Variants in MTF2 observed in about 807,000 individuals in gnomAD.
MTF2 encodes metal-response element-binding transcription factor 2.
A neutral mutation model predicts 79.5 loss-of-function variants in MTF2; 11 were observed. The ratio of observed to expected loss-of-function variants is 0.14; its 90% CI spans 0.09 to 0.23. The LOEUF is 0.23. Ranked by LOEUF, MTF2 falls within the 10% of genes least tolerant of loss-of-function variation. The pLI is 1.00. For synonymous variants in MTF2, 208 were observed against 232.8 expected (o/e 0.89, Z 0.97); for missense variants, 486 against 711.2 (o/e 0.68, Z 3.60).
chr1:93,103,974 G>A (rs1479007272), intron 1 of MTF2, among the ~76,000 whole-genome samples: 1 of 152,108 alleles, frequency 6.6e-6, no homozygotes. Context: ...TTTTGTTACA[G>A]GTTGTCTAGG....
At chr1:93,102,789 C>T (rs888785558) in intron 1 of MTF2, among the ~76,000 whole-genome samples, 1 of 151,862 alleles carries the variant, frequency 6.6e-6, no homozygotes, top group Non-Finnish European at 1.5e-5. Context: ...TAAAAATACA[C>T]ATATGAGGAT....
At chr1:93,110,109 T>C in intron 1 of MTF2, 121 bp from the exon 2 acceptor site, 1 of 911,128 alleles carries the variant, frequency 1.1e-6, no homozygotes, top group Non-Finnish European at 1.7e-6. Flanking sequence ...AGGTACTTTT[T>C]ATATTTTTGT....
intron 5 of MTF2, 113 bp downstream of exon 5, chr1:93,115,201 G>A (rs966501221): frequency 2.6e-6 from 2 of 782,264 alleles, no homozygotes; most frequent in Admixed American, 2.7e-5. Flanking sequence ...TGAATGCTGG[G>A]TAGAAAGAGG....
At chr1:93,125,680 T>C (rs964286636) in intron 9 of MTF2, among the ~76,000 whole-genome samples, 4 of 151,824 alleles carry the variant, frequency 2.6e-5, no homozygotes, top group Non-Finnish European at 4.4e-5. Flanking sequence ...TAGCAGTTCA[T>C]CTGATAAGAT....
chr1:93,084,067 T>G (rs1654731132), intron 1 of MTF2, among the ~76,000 whole-genome samples: 1 of 148,324 alleles, frequency 6.7e-6, no homozygotes, highest in African/African-American at 2.5e-5. Context: ...AATTTATTCC[T>G]TTTTTTTTTG....
chr1:93,126,431 G>A (rs1339198833), intron 9 of MTF2, among the ~76,000 whole-genome samples: 1 of 151,750 alleles, frequency 6.6e-6, no homozygotes, highest in Non-Finnish European at 1.5e-5. Context: ...AACTGGTAAA[G>A]AACATACTGG....
At chr1:93,092,671 CAT>C (rs1655119952) in intron 1 of MTF2, among the ~76,000 whole-genome samples, 1 of 151,988 alleles carries the variant, frequency 6.6e-6, no homozygotes, top group African/African-American at 2.4e-5. Flanking sequence ...TTCTCTGTAA[CAT>C]AATGTTAGAT....
chr1:93,137,115 T>C lies in MTF2; in HGVS notation c.*88T>C. ...AAAGGAGTCTGGCTTTTACTATCTT[T>C]CTTAAAAAAAAAAAAAAGTCAAAAA... On this transcript the variant is annotated 3_prime_UTR_variant, in exon 15 of 15. Transcript: ENST00000370298. 12 of 1,136,682 alleles carry C rather than the reference T, an allele frequency of 1.1e-5. 1 individual carries two copies. In the South Asian group the frequency reaches 2.2e-4, roughly 21 times the overall value. 70.4% of individuals were successfully genotyped at this position (1,136,682 alleles called of 1,614,324 possible). A position where few individuals can be genotyped will look rare whatever the true frequency, so the allele number is the denominator to read the frequency against.
intron 3 of MTF2, among the ~76,000 whole-genome samples, chr1:93,114,283 A>C (rs1435537489): frequency 6.6e-6 from 1 of 152,204 alleles, no homozygotes; most frequent in African/African-American, 2.4e-5. Flanking sequence ...TCATGGTATT[A>C]GTGGTGTAGG....
At chr1:93,117,109 A>G (rs1380661995) in intron 6 of MTF2, among the ~76,000 whole-genome samples, 2 of 152,238 alleles carry the variant, frequency 1.3e-5, no homozygotes, top group East Asian at 3.8e-4. Flanking sequence ...AACCTAGAAA[A>G]ATAGTGCTAA....
rs1390850396 is a variant in MTF2 at position 93,137,781 on chromosome 1, T to A, written c.*754T>A. 1.3e-5 allele frequency: 2 copies of A among 152,230 alleles called. No homozygotes were observed. The highest frequency in any genetic ancestry group is 2.9e-5 in the Non-Finnish European group (2 of 68,040). The allele number at this position is 152,230 out of a possible 1,614,324, so 9.4% of individuals were successfully genotyped here. A position where few individuals can be genotyped will look rare whatever the true frequency, so the allele number is the denominator to read the frequency against. On this transcript the variant is annotated 3_prime_UTR_variant, in exon 15 of 15. Coordinates refer to ENST00000370298, the MANE Select transcript of MTF2 (RefSeq NM_007358.4). Reference sequence around the variant, plus strand: ...CAGGCTTTTATTGGGTGCTGTTGCTTGCTATGTATGAAGAGAAATGTGTCA... The same window carrying A: ...CAGGCTTTTATTGGGTGCTGTTGCTAGCTATGTATGAAGAGAAATGTGTCA...
intron 7 of MTF2, among the ~76,000 whole-genome samples, 185 bp from the exon 8 acceptor site, chr1:93,119,144 TTTCA>T: frequency 6.6e-6 from 1 of 152,192 alleles, no homozygotes; most frequent in Non-Finnish European, 1.5e-5. Context: ...ATATGAACTG[TTTCA>T]TTATTTGTTA....
At chr1:93,126,703 T>TA (rs1293920311) in intron 9 of MTF2, among the ~76,000 whole-genome samples, 3 of 152,036 alleles carry the variant, frequency 2.0e-5, no homozygotes, top group Non-Finnish European at 4.4e-5. Context: ...CTAAAGTCTA[T>TA]AATTGTTATG....
chr1:93,107,200 C>G (rs1436638420), intron 1 of MTF2, among the ~76,000 whole-genome samples: 19 of 152,094 alleles, frequency 1.2e-4, no homozygotes. Context: ...ACCCCCAAAC[C>G]TTATTTCACT....
chr1:93,093,042 C>T (rs974325534), intron 1 of MTF2, among the ~76,000 whole-genome samples: 3 of 151,944 alleles, frequency 2.0e-5, no homozygotes, highest in African/African-American at 4.8e-5. Context: ...ATTAGCCAGG[C>T]GTGGTGGCAC....
At chr1:93,130,919 T>C (rs1450606413) in intron 11 of MTF2, among the ~76,000 whole-genome samples, 2 of 151,758 alleles carry the variant, frequency 1.3e-5, no homozygotes, top group African/African-American at 4.9e-5. Context: ...TTCATATTCA[T>C]TGAATTTGAG....
chr1:93,133,631 GTT>G, intron 11 of MTF2, 70 bp from the exon 12 acceptor site: 1 of 904,164 alleles, frequency 1.1e-6, no homozygotes, highest in Non-Finnish European at 1.7e-6. Context: ...TATGTGTCTA[GTT>G]ACATACATAG....
rs1173745126 is a variant in MTF2 at position 93,129,261 on chromosome 1, T to C, written c.990-17T>C. On this transcript the variant is annotated splice_polypyrimidine_tract_variant and intron_variant, in intron 10 of 14. Coordinates refer to ENST00000370298, the MANE Select transcript of MTF2 (RefSeq NM_007358.4). ...GTTCAGTTTTTAAAATTTTAGTTAA[T>C]TTTTTTAAAAATTTAGGTTTATGTC... 4.6e-6 allele frequency: 7 copies of C among 1,515,514 alleles called. No individual in the cohort carries two copies. Among genetic ancestry groups the C allele is most frequent in the Non-Finnish European group, 6.2e-6 (7 of 1,123,450 alleles). 93.9% of individuals were successfully genotyped at this position (1,515,514 alleles called of 1,614,324 possible). A position where few individuals can be genotyped will look rare whatever the true frequency, so the allele number is the denominator to read the frequency against.
At chr1:93,088,974 A>G (rs1654964439) in intron 1 of MTF2, among the ~76,000 whole-genome samples, 1 of 152,338 alleles carries the variant, frequency 6.6e-6, no homozygotes, top group South Asian at 2.1e-4. Flanking sequence ...AAACACAAAC[A>G]TACAAAGATG....
Sources: gnomAD v4.1 joint callset for allele counts (sites outside exome capture counted in the v4.1 genomes callset) on GRCh38, gnomAD v4.1.1 for gene constraint, MANE v1.5 for transcripts, NCBI Gene and HGNC (gene_info 2026-07-23, HGNC 2026-07-21) for gene names.